HEG1: variants seen among roughly 807,000 people sequenced by gnomAD.
HEG1 encodes the protein protein HEG homolog 1.
HEG1 carries 56 observed loss-of-function variants against 125.6 expected under a neutral mutation model. The ratio of observed to expected loss-of-function variants is 0.45; its 90% CI spans 0.36 to 0.56. The LOEUF (loss-of-function observed/expected upper bound fraction) is 0.56, where lower values mean the gene tolerates loss of function less well. Ranked by LOEUF, HEG1 falls within the 20% of genes least tolerant of loss-of-function variation. The probability of loss-of-function intolerance (pLI) is 0.00; values close to 1 mark genes in which losing one functional copy is unlikely to be tolerated. For synonymous variants in HEG1, 644 were observed against 668.5 expected (o/e 0.96, Z 0.57); for missense variants, 1,523 against 1,670.0 (o/e 0.91, Z 1.53).
rs1218751215 is a variant in HEG1, at chr3:124,973,832, G to C, written c.3895C>G (p.Pro1299Ala). ...DFQMSPYAEY[P>A]KNPRSQEWGR... ...CATTCTTGTGAGCGAGGATTTTTGG[G>C]GTATTCAGCATACGGGGACATTTGG... Residue 1299 changes from proline to alanine, a missense_variant, in exon 16 of 17, where the codon CCC becomes GCC. Physicochemically the swap from Pro to Ala is conservative, Grantham distance 27. Coordinates refer to ENST00000311127, the MANE Select transcript of HEG1 (RefSeq NM_020733.2). 1 of 1,613,410 alleles carries C rather than the reference G, an allele frequency of 6.2e-7. No homozygotes were observed. Among genetic ancestry groups the C allele is most frequent in the Non-Finnish European group, 8.5e-7 (1 of 1,179,506 alleles).
chr3:124,973,558 T>C (rs568400516), intron 16 of HEG1, among the ~76,000 whole-genome samples, 173 bp downstream of exon 16: 1 of 152,332 alleles, frequency 6.6e-6, no homozygotes, highest in East Asian at 1.9e-4. Context: ...ATAGCAACAC[T>C]GATAAGTACC....
At chr3:124,993,277 T>A (rs1936861703) in intron 12 of HEG1, among the ~76,000 whole-genome samples, 1 of 152,230 alleles carries the variant, frequency 6.6e-6, no homozygotes. Context: ...TTAACCTGAT[T>A]TACCTTTTAC....
At chr3:125,025,789 C>A (rs1280128604) in intron 3 of HEG1, among the ~76,000 whole-genome samples, 1 of 152,164 alleles carries the variant, frequency 6.6e-6, no homozygotes, top group African/African-American at 2.4e-5. Flanking sequence ...GGAAGAATTG[C>A]AGCTTTTATC....
intron 14 of HEG1, among the ~76,000 whole-genome samples, chr3:124,984,956 G>GT (rs1217828668): frequency 6.6e-6 from 1 of 152,146 alleles, no homozygotes; most frequent in Non-Finnish European, 1.5e-5. Context: ...ATAAAATTAC[G>GT]TAAGTGAAAA....
chr3:125,002,007 G>A lies in HEG1; in HGVS notation c.3362C>T (p.Ser1121Phe). Residue 1121 changes from serine (S) to phenylalanine (F), a missense_variant, in exon 11 of 17, where the codon TCC (serine) becomes TTC (phenylalanine). By Grantham distance (155) the Ser-to-Phe change is radical. Coordinates refer to ENST00000311127, the MANE Select transcript of HEG1 (RefSeq NM_020733.2). ...IRSTVHASRESNAVVISLQTT... is the reference protein window; with the variant it reads ...IRSTVHASREFNAVVISLQTT... ...TTGCAGTGAGATCACCACCGCGTTG[G>A]ACTCCCTATAGGCAAAGTTTGTGGG... 1 of 1,613,942 alleles carries A rather than the reference G, an allele frequency of 6.2e-7. No homozygotes were observed. Among genetic ancestry groups the A allele is most frequent in the Non-Finnish European group, 8.5e-7 (1 of 1,179,876 alleles).
chr3:124,972,094 T>A (rs1220307618), intron 16 of HEG1: 3 of 152,242 alleles, frequency 2.0e-5, no homozygotes. Context: ...CCACTGTGCC[T>A]GGCCAGCCTG....
intron 12 of HEG1, among the ~76,000 whole-genome samples, chr3:124,996,011 G>T (rs981422592): frequency 2.0e-5 from 3 of 152,054 alleles, no homozygotes. Flanking sequence ...GTCATCCCCT[G>T]TCAGCAGCAC....
intron 4 of HEG1, 61 bp downstream of exon 4, chr3:125,020,731 C>T: frequency 7.0e-7 from 1 of 1,428,636 alleles, no homozygotes. Flanking sequence ...AAGAGGTCCC[C>T]TAAGAAAATT....
At chr3:125,027,639 T>C in intron 2 of HEG1, 132 bp from the exon 3 acceptor site, 1 of 767,334 alleles carries the variant, frequency 1.3e-6, no homozygotes, top group Non-Finnish European at 2.0e-6. Flanking sequence ...TAATTCAGTC[T>C]ATGAAAAATA....
chr3:125,009,924 T>C, intron 7 of HEG1, 100 bp from the exon 8 acceptor site: 1 of 1,250,616 alleles, frequency 8.0e-7, no homozygotes, highest in East Asian at 2.6e-5. Context: ...TGGTGCTAGG[T>C]GTGGTGAGAC....
chr3:124,998,503 G>A lies in HEG1; in HGVS notation c.3518-680C>T, dbSNP rs377239336. On this transcript the variant is annotated intron_variant, in intron 11 of 16. Transcript: ENST00000311127. ...GGTTCTTGAGGCTTCTTCATCTCTG[G>A]GTCTTCAGTGCCTGGCACAGGGACT... Among the ~76,000 whole-genome samples, 20 of 152,242 alleles carry A rather than the reference G, an allele frequency of 1.3e-4. No homozygotes were observed. The East Asian group carries it at 1.9e-3, about 15-fold the overall frequency.
At chr3:125,018,969 C>T (rs193248632) in intron 5 of HEG1, among the ~76,000 whole-genome samples, 218 of 148,694 alleles carry the variant, frequency 1.5e-3, no homozygotes, top group African/African-American at 2.0e-3. Flanking sequence ...TGGGTTCAAA[C>T]GATTCTCCTG....
rs1395135553 is a variant in HEG1, at chr3:124,968,804, C to T, written c.*1848G>A. On this transcript the variant is annotated 3_prime_UTR_variant, in exon 17 of 17. Coordinates refer to ENST00000311127, the MANE Select transcript of HEG1 (RefSeq NM_020733.2). ...GTGCGAGGCCGTGAGCCACAAAGGG[C>T]CATTGGTTCTACAGAGAGAGAGGCC... is the stretch of plus-strand genomic sequence containing the variant. The T allele has an allele frequency of 6.6e-6, 1 of 152,206 alleles. No individual in the cohort carries two copies. Among genetic ancestry groups the T allele is most frequent in the Non-Finnish European group, 1.5e-5 (1 of 68,058 alleles). The allele number at this position is 152,206 out of a possible 1,614,324, so 9.4% of individuals were successfully genotyped here.
chr3:125,005,559 A>G (rs1043951821), intron 8 of HEG1, among the ~76,000 whole-genome samples, 191 bp from the exon 9 acceptor site: 1 of 152,244 alleles, frequency 6.6e-6, no homozygotes, highest in Non-Finnish European at 1.5e-5. Context: ...CATCTACTGG[A>G]CTGTGCTGAA....
chr3:125,015,967 G>C (rs752503065), intron 5 of HEG1, among the ~76,000 whole-genome samples: 76 of 152,124 alleles, frequency 5.0e-4, no homozygotes, highest in Non-Finnish European at 7.8e-4. Flanking sequence ...GAATGAGCAC[G>C]GGCCACGAGC....
chr3:125,055,446 A>G (rs540607218), intron 1 of HEG1, 129 bp downstream of exon 1: 2 of 556,148 alleles, frequency 3.6e-6, no homozygotes, highest in Non-Finnish European at 5.0e-6. Flanking sequence ...GGTCCCGCAC[A>G]CGCCGGGCGA....
chr3:125,041,847 C>CA (rs899549619), intron 1 of HEG1, among the ~76,000 whole-genome samples: 82 of 152,064 alleles, frequency 5.4e-4, no homozygotes, highest in African/African-American at 2.0e-3. Flanking sequence ...AAGCCAGCCA[C>CA]AAAAGGACAA....
chr3:125,043,884 C>T (rs896986404), intron 1 of HEG1, among the ~76,000 whole-genome samples: 1 of 151,640 alleles, frequency 6.6e-6, no homozygotes. Context: ...GGGGGAGAGG[C>T]GGGTGCAGGA....
intron 14 of HEG1, among the ~76,000 whole-genome samples, chr3:124,979,412 T>A (rs948146740): frequency 6.6e-6 from 1 of 152,208 alleles, no homozygotes; most frequent in African/African-American, 2.4e-5. Flanking sequence ...AGCTCCTCAA[T>A]AGATACACAT....
Sources: gnomAD v4.1 joint callset for allele counts (sites outside exome capture counted in the v4.1 genomes callset) on GRCh38, gnomAD v4.1.1 for gene constraint, MANE v1.5 for transcripts, NCBI Gene and HGNC (gene_info 2026-07-23, HGNC 2026-07-21) for gene names.